Variants in PIEZO1 observed in about 807,000 individuals in gnomAD.
PIEZO1 encodes piezo-type mechanosensitive ion channel component 1.
Under a neutral mutation model 297.2 loss-of-function variants are expected in PIEZO1, and 296 were observed. That is an observed-to-expected ratio of 1.00 (90% CI 0.91 to 1.10). The LOEUF is 1.10. Ranked by LOEUF, PIEZO1 falls within the 50% of genes least tolerant of loss-of-function variation. The probability of loss-of-function intolerance (pLI) is 0.00; values close to 1 mark genes in which losing one functional copy is unlikely to be tolerated. For missense variants in PIEZO1, 5,018 were observed against 3,455.5 expected (o/e 1.45, Z -11.34); for synonymous variants, 2,427 against 1,507.5 (o/e 1.61, Z -14.13).
intron 26 of PIEZO1, 22 bp from the exon 27 acceptor site, chr16:88,726,477 G>C (rs573920391): frequency 1.3e-6 from 2 of 1,548,702 alleles, no homozygotes; most frequent in Non-Finnish European, 1.7e-6. Flanking sequence ...GCACCGGCAA[G>C]GGTCAGGCCC....
At chr16:88,721,097 G>T in intron 39 of PIEZO1, 69 bp downstream of exon 39, 1 of 1,394,590 alleles carries the variant, frequency 7.2e-7, no homozygotes, top group South Asian at 1.5e-5. Flanking sequence ...ATCTGAGAAA[G>T]ACCCTCCCTG....
chr16:88,726,136 T>G, intron 27 of PIEZO1, 148 bp downstream of exon 27: 1 of 666,584 alleles, frequency 1.5e-6, no homozygotes, highest in Non-Finnish European at 2.5e-6. Flanking sequence ...TCTGCCGGCC[T>G]TCATTCTCCC....
rs567173659 is a variant in PIEZO1 at position 88,716,946 on chromosome 16, G to A, written c.6661-48C>T. 47 of 1,546,040 alleles carry A rather than the reference G, an allele frequency of 3.0e-5. No individual in the cohort carries two copies. In the African/African-American group the frequency reaches 6.0e-4, roughly 20 times the overall value. ...GGGCCACGAAGATGAGCGTGGAGGA[G>A]CGGCTGGGGGTGGTGCACCACCTTG... On this transcript the variant is annotated intron_variant, in intron 45 of 50. Transcript: ENST00000301015.
At position 88,720,060 on chromosome 16, in the gene PIEZO1, T is replaced by C. The variant is rs1158376270; in HGVS notation, c.6164+9A>G. 2 of 1,549,986 alleles carry C rather than the reference T, an allele frequency of 1.3e-6. No homozygotes were observed. The highest frequency in any genetic ancestry group is 1.7e-6 in the Non-Finnish European group (2 of 1,146,812). On this transcript the variant is annotated intron_variant, in intron 42 of 50. Coordinates refer to ENST00000301015, the MANE Select transcript of PIEZO1 (RefSeq NM_001142864.4). ...CCTGGAGACCGAGCGCCCCCACGCG[T>C]GGGCCCACCTCTCAGTGACGGCGGG...
chr16:88,757,739 C>G (rs1048686206), intron 1 of PIEZO1, among the ~76,000 whole-genome samples: 2 of 152,126 alleles, frequency 1.3e-5, no homozygotes, highest in East Asian at 1.9e-4. Flanking sequence ...TGGCTGGAGG[C>G]ATCACTCTCC....
chr16:88,778,663 A>G (rs1172957561), intron 1 of PIEZO1, among the ~76,000 whole-genome samples: 2 of 152,316 alleles, frequency 1.3e-5, no homozygotes, highest in South Asian at 4.1e-4. Flanking sequence ...GCCCGGCACC[A>G]GCAGCTGCCC....
intron 40 of PIEZO1, 37 bp from the exon 41 acceptor site, chr16:88,720,569 G>GCCGCCCCCCC: frequency 8.2e-7 from 1 of 1,216,684 alleles, no homozygotes; most frequent in Non-Finnish European, 1.1e-6. Flanking sequence ...CCCAGTACCC[G>GCCGCCCCCCC]CCTCCCCACC....
chr16:88,729,482 C>A (rs71395322), intron 22 of PIEZO1, among the ~76,000 whole-genome samples: 2 of 97,058 alleles, frequency 2.1e-5, no homozygotes, highest in South Asian at 4.7e-4. Flanking sequence ...GGGAACCTCG[C>A]GACACAAAAA....
At chr16:88,733,841 GCCC>G in intron 17 of PIEZO1, 62 bp downstream of exon 17, 1 of 1,459,238 alleles carries the variant, frequency 6.9e-7, no homozygotes, top group Non-Finnish European at 9.1e-7. Flanking sequence ...CTCTGCCAAC[GCCC>G]CCCGAGCTGG....
intron 1 of PIEZO1, among the ~76,000 whole-genome samples, chr16:88,750,623 A>T (rs1467494994): frequency 1.3e-5 from 2 of 152,264 alleles, no homozygotes; most frequent in East Asian, 3.9e-4. Flanking sequence ...CACTGATCTG[A>T]TAAGGTCTGG....
Position 88,716,180 on chromosome 16 carries a change from C to G in PIEZO1, c.7129+18G>C. ...TCACCCCTCTCTAGCCTCCCCCAAC[C>G]CCCACGCCCATACTCACTGGGCTGC... On this transcript the variant is annotated intron_variant, in intron 49 of 50. Coordinates refer to ENST00000301015, the MANE Select transcript of PIEZO1 (RefSeq NM_001142864.4). 6.6e-7 allele frequency: 1 copy of G among 1,512,016 alleles called. No individual in the cohort carries two copies. Among genetic ancestry groups the G allele is most frequent in the Non-Finnish European group, 8.9e-7 (1 of 1,124,508 alleles). The allele number at this position is 1,512,016 out of a possible 1,614,324, so 93.7% of individuals were successfully genotyped here. A position where few individuals can be genotyped will look rare whatever the true frequency, so the allele number is the denominator to read the frequency against.
At chr16:88,752,808 A>G (rs1303087937) in intron 1 of PIEZO1, among the ~76,000 whole-genome samples, 2 of 152,106 alleles carry the variant, frequency 1.3e-5, no homozygotes, top group African/African-American at 4.8e-5. Context: ...GCCTGAGACC[A>G]TGACCCACCA....
chr16:88,715,930 C>A lies in PIEZO1; in HGVS notation c.7316+3G>T. On this transcript the variant is annotated splice_donor_region_variant and intron_variant, in intron 50 of 50. Transcript: ENST00000301015. Reference sequence around the variant, plus strand: ...CGGGGTGCCCCCCCAGCCACTCACTCACCCGTAGCCAGCCAGGAAGCCGAG... The same window carrying A: ...CGGGGTGCCCCCCCAGCCACTCACTAACCCGTAGCCAGCCAGGAAGCCGAG... 3 of 1,548,372 alleles carry A rather than the reference C, an allele frequency of 1.9e-6. No homozygotes were observed. Among genetic ancestry groups the A allele is most frequent in the Non-Finnish European group, 1.7e-6 (2 of 1,145,518 alleles).
intron 1 of PIEZO1, among the ~76,000 whole-genome samples, chr16:88,750,868 C>A (rs1906355263): frequency 6.6e-6 from 1 of 152,052 alleles, no homozygotes; most frequent in Admixed American, 6.5e-5. Context: ...ACCCTCCACC[C>A]TCCACCCACC....
chr16:88,716,959 G>A (rs1038830882), intron 45 of PIEZO1, 61 bp from the exon 46 acceptor site: 5 of 1,543,222 alleles, frequency 3.2e-6, no homozygotes, highest in Non-Finnish European at 4.4e-6. Flanking sequence ...GCTGGGGGTG[G>A]TGCACCACCT....
Position 88,732,661 on chromosome 16 carries a change from G to A in PIEZO1, c.2736C>T (p.Asp912=). The A allele has an allele frequency of 1.3e-6, 2 of 1,549,718 alleles. No homozygotes were observed. The highest frequency in any genetic ancestry group is 2.4e-5 in the South Asian group (2 of 84,030). The change falls in exon 20 of 51, where the codon GAC becomes GAT. Residue 912 remains aspartate (D), a synonymous_variant. Coordinates refer to ENST00000301015, the MANE Select transcript of PIEZO1 (RefSeq NM_001142864.4). ...TCCGCACCCCAAACCAGTTGGCAGG[G>A]TCCACGGGCCCCCGGTACAGCAGGG... ...SQSLLYRGPV[D]PANWFGVRKG... is the part of the protein sequence containing the mutation.
rs749976222 is a variant in PIEZO1 at position 88,721,651 on chromosome 16, C to G, written c.5290G>C (p.Glu1764Gln). The G allele has an allele frequency of 9.7e-5, 151 of 1,550,150 alleles. No homozygotes were observed. The highest frequency in any genetic ancestry group is 1.1e-4 in the Non-Finnish European group (130 of 1,146,870). ...CGGGGCGGGAAGTAGGGCTTGTTCT[C>G]GTAGCGCCGCAGCACCACGTGGCTG... ...WNSHVVLRRY[E>Q]NKPYFPPRIL... The change falls in exon 38 of 51, where the codon GAG (glutamate) becomes CAG (glutamine). Residue 1764 changes from glutamate to glutamine, a missense_variant. Transcript: ENST00000301015.
chr16:88,777,574 CA>C (rs1176823659), intron 1 of PIEZO1, among the ~76,000 whole-genome samples: 1 of 152,256 alleles, frequency 6.6e-6, no homozygotes, highest in Non-Finnish European at 1.5e-5. Flanking sequence ...CCCGCTGAGG[CA>C]GGGGCAGTGG....
At position 88,765,894 on chromosome 16, in the gene PIEZO1, G is replaced by A. The variant is rs375076000; in HGVS notation, c.65-16415C>T. Among the ~76,000 whole-genome samples, 5 of 152,168 alleles carry A rather than the reference G, an allele frequency of 3.3e-5. No individual in the cohort carries two copies. In the East Asian group the frequency reaches 5.8e-4, roughly 18 times the overall value. The stretch of plus-strand genomic sequence containing the variant: ...TCACCATGTTGGCCAGGCTGGTCTC[G>A]AACTCCTGACCTCAGGTGACCCGCC... On this transcript the variant is annotated intron_variant, in intron 1 of 50. Transcript: ENST00000301015.
Sources: gnomAD v4.1 joint callset for allele counts (sites outside exome capture counted in the v4.1 genomes callset) on GRCh38, gnomAD v4.1.1 for gene constraint, MANE v1.5 for transcripts, NCBI Gene and HGNC (gene_info 2026-07-23, HGNC 2026-07-21) for gene names.